Variants in SHROOM3 observed in about 807,000 individuals in gnomAD.
SHROOM3 encodes the protein shroom family member 3.
SHROOM3 carries 47 observed loss-of-function variants against 138.6 expected under a neutral mutation model. That is an observed-to-expected ratio of 0.34 (90% CI 0.27 to 0.43). SHROOM3 has a LOEUF of 0.43. SHROOM3 is among the 20% of genes least tolerant of loss of function. The pLI, the probability that SHROOM3 is intolerant of heterozygous loss-of-function variation, is 1.00. For synonymous variants in SHROOM3, 1,062 were observed against 1,063.3 expected (o/e 1.00, Z 0.02); for missense variants, 2,491 against 2,596.5 (o/e 0.96, Z 0.88).
intron 1 of SHROOM3, among the ~76,000 whole-genome samples, chr4:76,463,942 G>T (rs935576428): frequency 6.6e-6 from 1 of 152,250 alleles, no homozygotes; most frequent in African/African-American, 2.4e-5. Context: ...CAGGGGCGGA[G>T]CCCTTATGGA....
intron 2 of SHROOM3, among the ~76,000 whole-genome samples, chr4:76,651,688 T>A (rs1419833009): frequency 1.3e-5 from 2 of 152,048 alleles, no homozygotes; most frequent in Non-Finnish European, 2.9e-5. Context: ...TTTCTATTTG[T>A]TTAAATTATA....
At chr4:76,514,496 G>A (rs1732403464) in intron 1 of SHROOM3, among the ~76,000 whole-genome samples, 1 of 152,154 alleles carries the variant, frequency 6.6e-6, no homozygotes, top group Non-Finnish European at 1.5e-5. Flanking sequence ...GTTTGGTATA[G>A]GGGAGAATGG....
At chr4:76,738,609 G>C in intron 4 of SHROOM3, 152 bp from the exon 5 acceptor site, 1 of 788,160 alleles carries the variant, frequency 1.3e-6, no homozygotes, top group Non-Finnish European at 2.1e-6. Context: ...CACAGAAGGA[G>C]GCTGAGCAAG....
intron 4 of SHROOM3, 119 bp downstream of exon 4, chr4:76,731,054 ATC>A: frequency 7.3e-7 from 1 of 1,367,450 alleles, no homozygotes; most frequent in Non-Finnish European, 1.0e-6. Context: ...TAAATATTAA[ATC>A]TCTATCCACT....
intron 2 of SHROOM3, among the ~76,000 whole-genome samples, chr4:76,587,934 A>T (rs1734186427): frequency 6.6e-6 from 1 of 152,246 alleles, no homozygotes; most frequent in Admixed American, 6.5e-5. Context: ...ACCTTCGGTT[A>T]TGAATTACAA....
At chr4:76,636,747 T>G (rs1178501244) in intron 2 of SHROOM3, among the ~76,000 whole-genome samples, 2 of 152,184 alleles carry the variant, frequency 1.3e-5, no homozygotes. Flanking sequence ...TGGGTTTGTG[T>G]GTGAGTGCGC....
intron 2 of SHROOM3, among the ~76,000 whole-genome samples, chr4:76,693,935 T>G (rs1407902817): frequency 2.0e-5 from 3 of 149,460 alleles, no homozygotes; most frequent in Admixed American, 2.0e-4. Context: ...AAATGAAAGG[T>G]TAACATACTA....
At chr4:76,549,588 C>T (rs1485138946) in intron 1 of SHROOM3, among the ~76,000 whole-genome samples, 2 of 152,078 alleles carry the variant, frequency 1.3e-5, no homozygotes, top group South Asian at 2.1e-4. Flanking sequence ...AGGCTGGTCT[C>T]GAACTCCTGA....
At chr4:76,568,945 C>T (rs1262074587) in intron 2 of SHROOM3, among the ~76,000 whole-genome samples, 1 of 152,194 alleles carries the variant, frequency 6.6e-6, no homozygotes, top group Non-Finnish European at 1.5e-5. Flanking sequence ...CAACCATCCA[C>T]ACTTCATATG....
Position 76,740,904 on chromosome 4 carries a change from C to G in SHROOM3, c.2731C>G (p.Pro911Ala), listed in dbSNP as rs773662339. The G allele has an allele frequency of 5.3e-6, 8 of 1,504,646 alleles. No individual in the cohort carries two copies. The highest frequency in any genetic ancestry group is 2.3e-5 in the Admixed American group (1 of 43,246). 93.2% of individuals were successfully genotyped at this position (1,504,646 alleles called of 1,614,324 possible). A position where few individuals can be genotyped will look rare whatever the true frequency, so the allele number is the denominator to read the frequency against. The change falls in exon 5 of 11, where the codon CCC becomes GCC. Residue 911 changes from proline (P) to alanine (A), a missense_variant. By Grantham distance (27) the Pro-to-Ala change is conservative. Around this residue, in one of 4 missense-constraint regions of SHROOM3, gnomAD observed 1,733 missense variants for 1,661.6 expected, o/e 1.04. Coordinates refer to ENST00000296043, the MANE Select transcript of SHROOM3 (RefSeq NM_020859.4). The surrounding 1 kb of genome is among the most constrained non-coding windows in gnomAD (Gnocchi z 4.0). The part of the protein sequence containing the change: ...EPEWRDRPGS[P>A]ESPLLDAPFS... ...CGAGTGGCGGGACAGGCCCGGCTCG[C>G]CCGAATCGCCCCTGCTGGATGCCCC...
chr4:76,702,699 C>T (rs926992170), intron 2 of SHROOM3, among the ~76,000 whole-genome samples: 1 of 152,066 alleles, frequency 6.6e-6, no homozygotes, highest in African/African-American at 2.4e-5. Flanking sequence ...AGGGGCACAC[C>T]GCTTCCATGA....
At chr4:76,519,128 C>T (rs1732509445) in intron 1 of SHROOM3, among the ~76,000 whole-genome samples, 1 of 152,188 alleles carries the variant, frequency 6.6e-6, no homozygotes, top group South Asian at 2.1e-4. Context: ...GCTTAGGCCA[C>T]ATGCCCACCT....
rs547604745 is a variant in SHROOM3, at chr4:76,528,693, TA to T, written c.169-26915del. Among the ~76,000 whole-genome samples, 160 of 152,188 alleles carry T rather than the reference TA, an allele frequency of 1.1e-3. 1 individual carries two copies. The highest frequency in any genetic ancestry group is 1.8e-3 in the Non-Finnish European group (119 of 67,996). ...TCAGTCTCCCCAGTAGCTGGGATTA[TA>T]GGCATGTGCCACCACGCCTAGCTAA... is the stretch of plus-strand genomic sequence containing the variant. On this transcript the variant is annotated intron_variant, in intron 1 of 10. Coordinates refer to ENST00000296043, the MANE Select transcript of SHROOM3 (RefSeq NM_020859.4).
chr4:76,689,747 G>C, intron 2 of SHROOM3: 1 of 985,400 alleles, frequency 1.0e-6, no homozygotes, highest in South Asian at 4.7e-5. Flanking sequence ...GGCGGGGGCC[G>C]GCCGGCTGCT....
intron 1 of SHROOM3, among the ~76,000 whole-genome samples, chr4:76,554,715 C>A (rs190703935): frequency 6.6e-6 from 1 of 152,088 alleles, no homozygotes; most frequent in Admixed American, 6.6e-5. Context: ...CCACCGTACC[C>A]GGCCAGAGGA....
intron 2 of SHROOM3, among the ~76,000 whole-genome samples, chr4:76,578,420 AAGAAG>A (rs1190371677): frequency 6.6e-6 from 1 of 152,222 alleles, no homozygotes; most frequent in Non-Finnish European, 1.5e-5. Context: ...AGTTATCAGA[AAGAAG>A]AGGTGTGTGA....
At chr4:76,450,601 G>C (rs1178408269) in intron 1 of SHROOM3, among the ~76,000 whole-genome samples, 1 of 152,144 alleles carries the variant, frequency 6.6e-6, no homozygotes, top group African/African-American at 2.4e-5. Flanking sequence ...ATTATGCTCA[G>C]TGAAAGACAC....
At chr4:76,551,589 G>A (rs1733354117) in intron 1 of SHROOM3, among the ~76,000 whole-genome samples, 1 of 152,100 alleles carries the variant, frequency 6.6e-6, no homozygotes, top group Non-Finnish European at 1.5e-5. Context: ...TAGGTCCTGT[G>A]TGCAAAGCTC....
At chr4:76,596,622 A>T (rs1008412925) in intron 2 of SHROOM3, among the ~76,000 whole-genome samples, 74 of 146,314 alleles carry the variant, frequency 5.1e-4, no homozygotes, top group African/African-American at 1.9e-3. Context: ...ACACACACAC[A>T]CACTCTCCAA....
Sources: allele counts gnomAD v4.1 joint callset (sites outside exome capture counted in the v4.1 genomes callset), GRCh38; gene constraint gnomAD v4.1.1; regional missense constraint gnomAD v4.1.1; non-coding constraint Gnocchi (gnomAD v3.1); transcripts MANE v1.5; gene names NCBI Gene and HGNC (gene_info 2026-07-23, HGNC 2026-07-21).